The following ERMARD variants were observed in gnomAD, a reference collection of about 807,000 sequenced individuals.
The protein encoded by ERMARD is ER membrane associated RNA degradation, also known as endoplasmic reticulum membrane-associated RNA degradation protein.
In ERMARD, 71 loss-of-function variants were observed where a neutral mutation model predicts 83.9. That is an observed-to-expected ratio of 0.85 (90% confidence interval 0.70 to 1.03). The LOEUF is 1.03. Ranked by LOEUF, ERMARD falls within the 50% of genes least tolerant of loss-of-function variation. The pLI, the probability that ERMARD is intolerant of heterozygous loss-of-function variation, is 0.00. For synonymous variants in ERMARD, 284 were observed against 298.6 expected, an observed-to-expected ratio of 0.95 and a Z score of 0.50; for missense variants, 838 against 810.9, an observed-to-expected ratio of 1.03 and a Z score of -0.41.
In ERMARD at chr6:169,756,707, T is replaced by C; in HGVS notation, c.418-12T>C. On this transcript the variant is annotated splice_polypyrimidine_tract_variant and intron_variant, in intron 4 of 17. Coordinates refer to ENST00000366773, the MANE Select transcript of ERMARD (RefSeq NM_018341.3). ...TAATACAACTGTTACACAATTTTTGTTTGAATTTTAGGTATTTTTACTGAT... is the reference window on the plus strand; with the variant it reads ...TAATACAACTGTTACACAATTTTTGCTTGAATTTTAGGTATTTTTACTGAT... 6.2e-7 allele frequency: 1 copy of C among 1,610,726 alleles called. No homozygotes were observed.
chr6:169,766,489 C>T (rs1467201071), intron 9 of ERMARD, 149 bp from the exon 10 acceptor site: 2 of 569,138 alleles, frequency 3.5e-6, no homozygotes, highest in Non-Finnish European at 6.1e-6. Context: ...AGTGACATTC[C>T]TCTCATAGTG....
intron 9 of ERMARD, among the ~76,000 whole-genome samples, chr6:169,765,246 G>T (rs1393847735): frequency 6.6e-6 from 1 of 152,242 alleles, no homozygotes; most frequent in Non-Finnish European, 1.5e-5. Context: ...TTCCACAGAG[G>T]ATATAATCTA....
chr6:169,755,343 A>G lies in ERMARD; in HGVS notation c.236A>G (p.His79Arg). 1 of 1,614,204 alleles carries G rather than the reference A, an allele frequency of 6.2e-7. No homozygotes were observed. The highest frequency in any genetic ancestry group is 8.5e-7 in the Non-Finnish European group (1 of 1,180,042). Residue 79 changes from histidine (H) to arginine (R), a missense_variant, in exon 3 of 18, where the codon CAT (histidine) becomes CGT (arginine). By Grantham distance (29) the His-to-Arg change is conservative (BLOSUM62 0). Transcript: ENST00000366773. ...RLLGPVCEAV[H>R]SHFLSLTKGQ... Reference sequence around the variant, plus strand: ...CTGGGCCCTGTGTGTGAGGCTGTCCATTCACATTTCTTATCTCTGACCAAG... The same window carrying G: ...CTGGGCCCTGTGTGTGAGGCTGTCCGTTCACATTTCTTATCTCTGACCAAG...
At chr6:169,763,322 T>C (rs1450315230) in intron 9 of ERMARD, among the ~76,000 whole-genome samples, 1 of 152,150 alleles carries the variant, frequency 6.6e-6, no homozygotes, top group Admixed American at 6.5e-5. Context: ...CTGTGTCGTC[T>C]TCCAGTGATG....
At chr6:169,760,578 C>A in intron 7 of ERMARD, 64 bp from the exon 8 acceptor site, 1 of 1,200,336 alleles carries the variant, frequency 8.3e-7, no homozygotes, top group Non-Finnish European at 1.2e-6. Flanking sequence ...ACTCCCCCAG[C>A]ATGTTTCCAT....
chr6:169,776,633 C>T lies in ERMARD; in HGVS notation c.1699C>T (p.Arg567Trp), dbSNP rs780419126. The stretch of plus-strand genomic sequence containing the variant: ...CAGGCAGTGGGTGGAAAGGACGCTG[C>T]GGTCTCGCCAGCGGCAGAACTACCT... ...RHRQWVERTL[R>W]SRQRQNYLRM... is the part of the protein sequence containing the mutation. Residue 567 changes from arginine to tryptophan, a missense_variant, in exon 16 of 18, where the codon CGG (arginine) becomes TGG (tryptophan). Coordinates refer to ENST00000366773, the MANE Select transcript of ERMARD (RefSeq NM_018341.3). 1.2e-5 allele frequency: 20 copies of T among 1,613,996 alleles called. No homozygotes were observed. The highest frequency in any genetic ancestry group is 4.4e-5 in the South Asian group (4 of 91,078).
At chr6:169,766,214 G>A (rs914071972) in intron 9 of ERMARD, among the ~76,000 whole-genome samples, 23 of 152,358 alleles carry the variant, frequency 1.5e-4, no homozygotes, top group South Asian at 6.2e-4. Context: ...AGGCCGTGCC[G>A]ATGATGCTGA....
At chr6:169,775,775 T>G in intron 14 of ERMARD, 165 bp from the exon 15 acceptor site, 2 of 897,044 alleles carry the variant, frequency 2.2e-6, no homozygotes, top group Non-Finnish European at 3.3e-6. Flanking sequence ...TGGCATCGTT[T>G]GTTTCTCCAC....
intron 6 of ERMARD, among the ~76,000 whole-genome samples, chr6:169,759,396 CT>C (rs1198848246): frequency 6.6e-6 from 1 of 152,042 alleles, no homozygotes; most frequent in East Asian, 1.9e-4. Context: ...ACTGCACAGT[CT>C]AATTCCTACA....
rs139551055 is a variant in ERMARD at position 169,779,237 on chromosome 6, T to C, written c.1795T>C (p.Leu599=). The change falls in exon 17 of 18, where the codon TTG becomes CTG. Residue 599 remains leucine, a synonymous_variant. Coordinates refer to ENST00000366773, the MANE Select transcript of ERMARD (RefSeq NM_018341.3). ...SLILLLIALE[L]VNIHAVCGKN... Reference sequence around the variant, plus strand: ...GATACTGTTACTCATTGCGCTGGAGTTGGTCAACATTCATGCTGTTTGTGG... The same window carrying C: ...GATACTGTTACTCATTGCGCTGGAGCTGGTCAACATTCATGCTGTTTGTGG... The C allele has an allele frequency of 3.8e-4, 615 of 1,614,170 alleles. No homozygotes were observed. The highest frequency in any genetic ancestry group is 5.0e-4 in the Non-Finnish European group (589 of 1,180,024).
Position 169,760,098 on chromosome 6 carries a change from C to T in ERMARD, c.742+124C>T. 6 of 1,497,810 alleles carry T rather than the reference C, an allele frequency of 4.0e-6. No homozygotes were observed. The East Asian group carries it at 6.9e-5, about 17-fold the overall frequency. 92.8% of individuals were successfully genotyped at this position (1,497,810 alleles called of 1,614,324 possible). On this transcript the variant is annotated intron_variant, in intron 7 of 17. Transcript: ENST00000366773. Reference sequence around the variant, plus strand: ...TAGTTGTTCTTCAGTAGTCGGATGGCTTTCAGAGTTGCTTGAAGAACCTCC... The same window carrying T: ...TAGTTGTTCTTCAGTAGTCGGATGGTTTTCAGAGTTGCTTGAAGAACCTCC...
rs754745670 is a variant in ERMARD at position 169,760,767 on chromosome 6, G to T, written c.857+11G>T. On this transcript the variant is annotated intron_variant, in intron 8 of 17. Coordinates refer to ENST00000366773, the MANE Select transcript of ERMARD (RefSeq NM_018341.3). ...GTTCAAGTCACACAGGTAACTAAAG[G>T]GTACATGGCAGAGTGGTTTGCAGTG... is the stretch of plus-strand genomic sequence containing the variant. 1.3e-6 allele frequency: 2 copies of T among 1,584,162 alleles called. No homozygotes were observed. The highest frequency in any genetic ancestry group is 3.4e-5 in the Admixed American group (2 of 59,360).
chr6:169,755,692 G>A, intron 3 of ERMARD: 1 of 374,214 alleles, frequency 2.7e-6, no homozygotes, highest in Non-Finnish European at 4.8e-6. Flanking sequence ...GCCCATCCAA[G>A]GATAGAGGAA....
In ERMARD at chr6:169,773,377, A is replaced by G. The variant is rs760892922; in HGVS notation, c.1292A>G (p.His431Arg). 4 of 1,614,212 alleles carry G rather than the reference A, an allele frequency of 2.5e-6. No individual in the cohort carries two copies. The highest frequency in any genetic ancestry group is 2.2e-5 in the South Asian group (2 of 91,070). The change falls in exon 13 of 18, where the codon CAT becomes CGT. Residue 431 changes from histidine (H) to arginine (R), a missense_variant. Physicochemically the swap from His to Arg is conservative, Grantham distance 29. Coordinates refer to ENST00000366773, the MANE Select transcript of ERMARD (RefSeq NM_018341.3). ...SLAEGYSSRC[H>R]PVFQLKKQVL... ...GCAGAAGGCTATAGTTCTCGCTGTCATCCGGTTTTTCAGCTTAAAAAACAG... is the reference window on the plus strand; with the variant it reads ...GCAGAAGGCTATAGTTCTCGCTGTCGTCCGGTTTTTCAGCTTAAAAAACAG...
Position 169,768,135 on chromosome 6 carries a change from C to T in ERMARD, c.1023C>T (p.Ile341=). 1 of 1,614,078 alleles carries T rather than the reference C, an allele frequency of 6.2e-7. No individual in the cohort carries two copies. Among genetic ancestry groups the T allele is most frequent in the Non-Finnish European group, 8.5e-7 (1 of 1,179,962 alleles). Residue 341 remains isoleucine (I), a synonymous_variant, in exon 11 of 18, where the codon ATC becomes ATT. Coordinates refer to ENST00000366773, the MANE Select transcript of ERMARD (RefSeq NM_018341.3). ...ILAKHLNDGK[I]NQLPLFLGEP... Reference sequence around the variant, plus strand: ...CAAAACACTTGAATGATGGTAAAATCAATCAGCTTCCTCTTTTCCTTGGAG... The same window carrying T: ...CAAAACACTTGAATGATGGTAAAATTAATCAGCTTCCTCTTTTCCTTGGAG...
intron 4 of ERMARD, 85 bp from the exon 5 acceptor site, chr6:169,756,634 G>T: frequency 8.1e-7 from 1 of 1,236,986 alleles, no homozygotes; most frequent in Non-Finnish European, 1.2e-6. Context: ...CCCTTCATTT[G>T]TACAAACAGT....
upstream of ERMARD, chr6:169,751,572 T>G: frequency 6.2e-7 from 1 of 1,607,582 alleles, no homozygotes; most frequent in East Asian, 2.2e-5. Context: ...CGGTAGGAAG[T>G]GCCCGCCAGG....
Position 169,753,524 on chromosome 6 carries a change from G to T in ERMARD, c.7-340G>T, listed in dbSNP as rs372947072. On this transcript the variant is annotated intron_variant, in intron 1 of 17. Coordinates refer to ENST00000366773, the MANE Select transcript of ERMARD (RefSeq NM_018341.3). Reference sequence around the variant, plus strand: ...TGGTCGTAAAACACATTCAGCTTCCGTGAACTTGTATTTTTTCTTTTTTTT... The same window carrying T: ...TGGTCGTAAAACACATTCAGCTTCCTTGAACTTGTATTTTTTCTTTTTTTT... Among the ~76,000 whole-genome samples the T allele has an allele frequency of 2.2e-4, 34 of 151,592 alleles. No homozygotes were observed. In the South Asian group the frequency reaches 4.0e-3, roughly 18 times the overall value.
rs1409144364 is a variant in ERMARD, at chr6:169,756,781, G to C, written c.480G>C (p.Glu160Asp). The C allele has an allele frequency of 3.1e-6, 5 of 1,614,030 alleles. No individual in the cohort carries two copies. Among genetic ancestry groups the C allele is most frequent in the Non-Finnish European group, 4.2e-6 (5 of 1,180,010 alleles). The change falls in exon 5 of 18, where the codon GAG becomes GAC. Residue 160 changes from glutamate to aspartate, a missense_variant. Glu to Asp is a conservative substitution (Grantham distance 45). Transcript: ENST00000366773. ...FLLRDLLSSE[E>D]LAQVFSQSVM... is the part of the protein sequence containing the mutation. The stretch of plus-strand genomic sequence containing the variant: ...TAAGAGATCTGCTTTCATCTGAGGA[G>C]CTTGCTCAAGTCTTCAGTCAGTCTG...
Sources: allele counts gnomAD v4.1 joint callset (sites outside exome capture counted in the v4.1 genomes callset), GRCh38; gene constraint gnomAD v4.1.1; transcripts MANE v1.5; gene names NCBI Gene and HGNC (gene_info 2026-07-23, HGNC 2026-07-21).